The following GARRE1 variants were observed in gnomAD, a reference collection of about 807,000 sequenced individuals.
GARRE1 encodes the protein granule associated Rac and RHOG effector 1, also known as granule associated Rac and RHOG effector protein 1.
A neutral mutation model predicts 103.2 loss-of-function variants in GARRE1; 49 were observed. The ratio of observed to expected loss-of-function variants is 0.47; its 90% CI spans 0.38 to 0.60. The LOEUF (loss-of-function observed/expected upper bound fraction) is 0.60. GARRE1 is among the 20% of genes least tolerant of loss of function. The pLI is 0.00. For synonymous variants in GARRE1, 505 were observed against 532.8 expected (o/e 0.95, Z 0.72); for missense variants, 1,199 against 1,370.5 (o/e 0.87, Z 1.98).
At chr19:34,296,267 C>G in intron 1 of GARRE1, 1 of 665,972 alleles carries the variant, frequency 1.5e-6, no homozygotes. Flanking sequence ...CATTTGTAGA[C>G]AGAGATATCT....
chr19:34,301,339 CAGAG>C (rs1285256877), intron 2 of GARRE1, among the ~76,000 whole-genome samples: 1 of 151,666 alleles, frequency 6.6e-6, no homozygotes, highest in African/African-American at 2.4e-5. Flanking sequence ...TTTAGCTGTT[CAGAG>C]AGTTAATCTG....
intron 12 of GARRE1, among the ~76,000 whole-genome samples, chr19:34,350,635 G>A (rs1050134895): frequency 1.3e-5 from 2 of 152,168 alleles, no homozygotes; most frequent in African/African-American, 4.8e-5. Flanking sequence ...AGGCTGGAGT[G>A]CAGTGGCGCG....
At chr19:34,266,244 G>A (rs1034806942) in intron 1 of GARRE1, among the ~76,000 whole-genome samples, 3 of 152,188 alleles carry the variant, frequency 2.0e-5, no homozygotes, top group Non-Finnish European at 4.4e-5. Context: ...CTGCTCTCTG[G>A]GGCTGTCTTC....
chr19:34,340,201 C>T (rs751954787), intron 9 of GARRE1, among the ~76,000 whole-genome samples: 25 of 152,096 alleles, frequency 1.6e-4, no homozygotes, highest in Admixed American at 7.2e-4. Context: ...TACCAGATTC[C>T]CCTATTTGCT....
At chr19:34,350,057 T>G (rs1486491675) in intron 12 of GARRE1, among the ~76,000 whole-genome samples, 1 of 152,130 alleles carries the variant, frequency 6.6e-6, no homozygotes, top group Non-Finnish European at 1.5e-5. Context: ...AGACCCTGTC[T>G]CAAAAATCAA....
chr19:34,272,921 C>T (rs536283978), intron 1 of GARRE1, among the ~76,000 whole-genome samples: 12 of 152,272 alleles, frequency 7.9e-5, no homozygotes, highest in Middle Eastern at 3.4e-3. Flanking sequence ...TTTGATAACA[C>T]GGCCAGGTGT....
chr19:34,344,958 C>T (rs896151578), intron 10 of GARRE1, among the ~76,000 whole-genome samples: 18 of 152,166 alleles, frequency 1.2e-4, no homozygotes, highest in African/African-American at 4.3e-4. Flanking sequence ...CCTGCCTCAG[C>T]CTCCTGAGTA....
intron 1 of GARRE1, among the ~76,000 whole-genome samples, chr19:34,277,890 T>A: frequency 9.0e-6 from 1 of 110,700 alleles, no homozygotes; most frequent in East Asian, 2.2e-4. Flanking sequence ...GCAGGATAAA[T>A]GCTTGATTTC....
Position 34,342,396 on chromosome 19 carries a change from G to A in GARRE1, c.2462G>A (p.Arg821His), listed in dbSNP as rs2074191154. The A allele has an allele frequency of 6.8e-6, 11 of 1,614,034 alleles. No individual in the cohort carries two copies. In the East Asian group the frequency reaches 8.9e-5, roughly 13 times the overall value. ...CCTAGAAATAACACCTGGCCCAACCGTGACCAAAGTGATGGAGTCTTTGGA... is the reference window on the plus strand; with the variant it reads ...CCTAGAAATAACACCTGGCCCAACCATGACCAAAGTGATGGAGTCTTTGGA... ...QGPRNNTWPN[R>H]DQSDGVFGML... Residue 821 changes from arginine (R) to histidine (H), a missense_variant, in exon 10 of 14, where the codon CGT (arginine) becomes CAT (histidine). Arg to His is a conservative substitution (Grantham distance 29). Transcript: ENST00000299505.
chr19:34,330,038 T>C, intron 6 of GARRE1, 151 bp from the exon 7 acceptor site: 1 of 679,906 alleles, frequency 1.5e-6, no homozygotes, highest in Non-Finnish European at 2.4e-6. Flanking sequence ...TGAGCCATGT[T>C]CGTGCCACCG....
chr19:34,331,016 C>T (rs766892155), intron 7 of GARRE1, among the ~76,000 whole-genome samples: 74 of 151,730 alleles, frequency 4.9e-4, no homozygotes, highest in Non-Finnish European at 7.7e-4. Context: ...TCTCCTCCCT[C>T]GGCTTCCCGA....
chr19:34,311,140 A>G (rs2074034332), intron 2 of GARRE1, among the ~76,000 whole-genome samples: 1 of 152,034 alleles, frequency 6.6e-6, no homozygotes. Flanking sequence ...CTACAGGTGC[A>G]TGCCACCACA....
intron 1 of GARRE1, among the ~76,000 whole-genome samples, chr19:34,273,449 C>T (rs1043517809): frequency 2.0e-5 from 3 of 152,116 alleles, no homozygotes; most frequent in African/African-American, 7.2e-5. Context: ...TAACTACTGC[C>T]TCCGTGGTTG....
At chr19:34,313,928 G>A (rs1035042536) in intron 2 of GARRE1, among the ~76,000 whole-genome samples, 11 of 152,224 alleles carry the variant, frequency 7.2e-5, no homozygotes, top group Admixed American at 2.0e-4. Context: ...AGCCTCCCGA[G>A]TAGTTGGAAT....
chr19:34,324,721 G>A (rs932342060), intron 3 of GARRE1, among the ~76,000 whole-genome samples: 2 of 151,748 alleles, frequency 1.3e-5, no homozygotes, highest in African/African-American at 4.8e-5. Flanking sequence ...TTCCCAGGCC[G>A]GTCCCAAGCT....
intron 3 of GARRE1, among the ~76,000 whole-genome samples, chr19:34,323,079 G>A (rs1408389032): frequency 7.4e-6 from 1 of 135,488 alleles, no homozygotes; most frequent in Non-Finnish European, 1.5e-5. Flanking sequence ...TGCCCAGGCT[G>A]GAGTGCAGTG....
At chr19:34,270,644 G>A (rs959573783) in intron 1 of GARRE1, among the ~76,000 whole-genome samples, 1 of 152,120 alleles carries the variant, frequency 6.6e-6, no homozygotes, top group Non-Finnish European at 1.5e-5. Flanking sequence ...CATGGCATTT[G>A]TTTTCTAAAC....
chr19:34,292,609 T>C (rs2073924458), intron 1 of GARRE1, among the ~76,000 whole-genome samples: 1 of 152,204 alleles, frequency 6.6e-6, no homozygotes, highest in African/African-American at 2.4e-5. Context: ...AGCGTCTCAC[T>C]CTGTTACCCA....
chr19:34,341,941 A>G lies in GARRE1; in HGVS notation c.2007A>G (p.Thr669=), dbSNP rs1161681056. Residue 669 remains threonine, a synonymous_variant, in exon 10 of 14, where the codon ACA becomes ACG. Coordinates refer to ENST00000299505, the MANE Select transcript of GARRE1 (RefSeq NM_014686.5). The part of the protein sequence containing the change: ...GQSHQGSPLV[T]RHNSAATAMV... ...CACATCAGGGCTCTCCGTTGGTGACAAGGCATAATTCTGCTGCCACAGCCA... is the reference window on the plus strand; with the variant it reads ...CACATCAGGGCTCTCCGTTGGTGACGAGGCATAATTCTGCTGCCACAGCCA... 1 of 1,614,200 alleles carries G rather than the reference A, an allele frequency of 6.2e-7. No individual in the cohort carries two copies. Among genetic ancestry groups the G allele is most frequent in the Admixed American group, 1.7e-5 (1 of 60,020 alleles).
Sources: gnomAD v4.1 joint callset for allele counts (sites outside exome capture counted in the v4.1 genomes callset) on GRCh38, gnomAD v4.1.1 for gene constraint, MANE v1.5 for transcripts, NCBI Gene and HGNC (gene_info 2026-07-23, HGNC 2026-07-21) for gene names.